The following YAF2 variants were observed in gnomAD, a reference collection of about 807,000 sequenced individuals.
The protein encoded by YAF2 is YY1 associated factor 2.
A neutral mutation model predicts 20.1 loss-of-function variants in YAF2; 7 were observed. The observed-to-expected ratio is 0.35, with a 90% confidence interval of 0.20 to 0.65. The LOEUF (loss-of-function observed/expected upper bound fraction) is 0.65, where lower values mean the gene tolerates loss of function less well. Among genes scored for constraint, YAF2 ranks in the 30% least tolerant of loss-of-function variants. The pLI is 0.69. For missense variants in YAF2, 151 were observed against 219.2 expected (o/e 0.69, Z 1.96); for synonymous variants, 74 against 76.0 (o/e 0.97, Z 0.14).
chr12:42,237,570 G>A, intron 2 of YAF2, 29 bp downstream of exon 2: 2 of 1,492,822 alleles, frequency 1.3e-6, no homozygotes, highest in Non-Finnish European at 1.8e-6. Context: ...CCGCCGGCCG[G>A]CGGCGCGAGG....
At chr12:42,226,526 T>C (rs2067703082) in intron 2 of YAF2, among the ~76,000 whole-genome samples, 1 of 152,020 alleles carries the variant, frequency 6.6e-6, no homozygotes, top group Non-Finnish European at 1.5e-5. Context: ...TAGCCAGACA[T>C]AGTGGCACAC....
chr12:42,184,395 C>T (rs2066419934), intron 2 of YAF2, among the ~76,000 whole-genome samples: 1 of 152,122 alleles, frequency 6.6e-6, no homozygotes, highest in Non-Finnish European at 1.5e-5. Context: ...CTGCAACCTC[C>T]ATCTCCCAGG....
At chr12:42,231,529 T>C (rs1248344415) in intron 2 of YAF2, 1 of 152,230 alleles carries the variant, frequency 6.6e-6, no homozygotes, top group African/African-American at 2.4e-5. Flanking sequence ...AAAGGTTAGT[T>C]GCAATATGAA....
chr12:42,220,767 T>A (rs2067488122), intron 2 of YAF2, among the ~76,000 whole-genome samples: 2 of 152,202 alleles, frequency 1.3e-5, no homozygotes, highest in Admixed American at 1.3e-4. Flanking sequence ...AAGATGAAAT[T>A]GTTTAATTCA....
intron 2 of YAF2, among the ~76,000 whole-genome samples, chr12:42,215,961 A>C (rs1363144081): frequency 6.7e-6 from 1 of 148,636 alleles, no homozygotes; most frequent in East Asian, 1.9e-4. Flanking sequence ...TAAATAAATA[A>C]ATAAATAAAT....
At chr12:42,197,204 T>C (rs1444494147) in intron 2 of YAF2, among the ~76,000 whole-genome samples, 1 of 152,240 alleles carries the variant, frequency 6.6e-6, no homozygotes, top group Non-Finnish European at 1.5e-5. Flanking sequence ...AGTTGTTAGC[T>C]TGTTAGCAGT....
At chr12:42,217,725 T>C (rs1251976822) in intron 2 of YAF2, among the ~76,000 whole-genome samples, 1 of 152,130 alleles carries the variant, frequency 6.6e-6, no homozygotes, top group African/African-American at 2.4e-5. Flanking sequence ...ATGGGACCAA[T>C]GGTACAGCCC....
At chr12:42,195,744 T>C (rs1049600134) in intron 2 of YAF2, among the ~76,000 whole-genome samples, 1 of 152,104 alleles carries the variant, frequency 6.6e-6, no homozygotes, top group Non-Finnish European at 1.5e-5. Context: ...ATCGAACCAG[T>C]CATGGTGTGT....
intron 2 of YAF2, among the ~76,000 whole-genome samples, chr12:42,185,966 C>T (rs1396430334): frequency 6.6e-6 from 1 of 151,922 alleles, no homozygotes; most frequent in Non-Finnish European, 1.5e-5. Context: ...CTGGGGAGTC[C>T]GAAGCAGGTG....
intron 2 of YAF2, among the ~76,000 whole-genome samples, chr12:42,228,849 C>T (rs1301916276): frequency 3.2e-5 from 2 of 62,642 alleles, no homozygotes. Flanking sequence ...CGCCTCTGCC[C>T]GGCCACCCCT....
Position 42,224,915 on chromosome 12 carries a change from T to C in YAF2, c.152+12684A>G, listed in dbSNP as rs373858503. Among the ~76,000 whole-genome samples, 20 of 152,356 alleles carry C rather than the reference T, an allele frequency of 1.3e-4. No homozygotes were observed. The East Asian group carries it at 3.5e-3, about 26-fold the overall frequency. On this transcript the variant is annotated intron_variant, in intron 2 of 3. Transcript: ENST00000534854. ...CCAGTAATGAGACTGCTGGATCAAA[T>C]GGTATTTCTGGTTCTAGATCCCTGA...
intron 2 of YAF2, among the ~76,000 whole-genome samples, chr12:42,183,556 A>G (rs2066398562): frequency 6.6e-6 from 1 of 152,230 alleles, no homozygotes; most frequent in Non-Finnish European, 1.5e-5. Context: ...CAAACCAGTC[A>G]CAACATTTCA....
At position 42,160,616 on chromosome 12, in the gene YAF2, G is replaced by C. The variant is rs1157944555; in HGVS notation, c.516C>G (p.Ala172=). The C allele has an allele frequency of 6.2e-7, 1 of 1,613,468 alleles. No individual in the cohort carries two copies. Among genetic ancestry groups the C allele is most frequent in the African/African-American group, 1.3e-5 (1 of 74,882 alleles). ...MSRSSSPRGE[A]SSLNGESH ...AATGAGATTCTCCATTCAATGATGA[G>C]GCTTCTCCTCTGGGTGAAGATGACC... The change falls in exon 4 of 4, where the codon GCC becomes GCG. Residue 172 remains alanine, a synonymous_variant. Coordinates refer to ENST00000534854, the MANE Select transcript of YAF2 (RefSeq NM_005748.6).
rs2067078027 is a variant in YAF2, at chr12:42,207,483, CTAAA to C, written c.152+30112_152+30115del. Among the ~76,000 whole-genome samples, 5 of 151,922 alleles carry C rather than the reference CTAAA, an allele frequency of 3.3e-5. No individual in the cohort carries two copies. In the South Asian group the frequency reaches 8.3e-4, roughly 25 times the overall value. On this transcript the variant is annotated intron_variant, in intron 2 of 3. Transcript: ENST00000534854. ...AAGATAAATTATTAATAATATTATA[CTAAA>C]TAATTAGAATTTCACTATACCAGCT...
At chr12:42,166,418 C>G (rs2065918876) in intron 2 of YAF2, among the ~76,000 whole-genome samples, 1 of 152,162 alleles carries the variant, frequency 6.6e-6, no homozygotes, top group Non-Finnish European at 1.5e-5. Context: ...CGAACTATCT[C>G]AAGTAAATTT....
chr12:42,232,978 C>A, intron 2 of YAF2: 1 of 985,338 alleles, frequency 1.0e-6, no homozygotes, highest in Non-Finnish European at 1.2e-6. Flanking sequence ...ACAGTTAAAG[C>A]GGTTCTAATT....
Position 42,191,178 on chromosome 12 carries a change from C to A in YAF2, c.153-29413G>T, listed in dbSNP as rs183238280. ...CATTGCTGTTAATGTTTAAAGTACT[C>A]CCATTACTGTCTCTCTCTTCTTCCC... On this transcript the variant is annotated intron_variant, in intron 2 of 3. Coordinates refer to ENST00000534854, the MANE Select transcript of YAF2 (RefSeq NM_005748.6). Among the ~76,000 whole-genome samples the A allele has an allele frequency of 1.9e-4, 29 of 152,226 alleles. 1 individual carries two copies. Among genetic ancestry groups the A allele is most frequent in the Non-Finnish European group, 2.9e-4 (20 of 67,984 alleles).
chr12:42,177,086 C>T (rs982281711), intron 2 of YAF2, among the ~76,000 whole-genome samples: 1 of 152,176 alleles, frequency 6.6e-6, no homozygotes, highest in Non-Finnish European at 1.5e-5. Flanking sequence ...TTAAAACCAC[C>T]CAATGGGCTC....
At chr12:42,218,292 A>G (rs1031763059) in intron 2 of YAF2, among the ~76,000 whole-genome samples, 1 of 152,000 alleles carries the variant, frequency 6.6e-6, no homozygotes, top group African/African-American at 2.4e-5. Context: ...GCAGTTATAA[A>G]GCTAGGTGCA....
Sources: gnomAD v4.1 joint callset for allele counts (sites outside exome capture counted in the v4.1 genomes callset) on GRCh38, gnomAD v4.1.1 for gene constraint, MANE v1.5 for transcripts, NCBI Gene and HGNC (gene_info 2026-07-23, HGNC 2026-07-21) for gene names.